Variants in ST3GAL6 observed in about 807,000 individuals in gnomAD.
ST3GAL6 encodes the protein ST3 beta-galactoside alpha-2,3-sialyltransferase 6.
A neutral mutation model predicts 40.5 loss-of-function variants in ST3GAL6; 31 were observed. The ratio of observed to expected loss-of-function variants is 0.77; its 90% confidence interval spans 0.58 to 1.03. ST3GAL6 has a LOEUF of 1.03. Among genes scored for constraint, ST3GAL6 ranks in the 50% least tolerant of loss-of-function variants. The probability of loss-of-function intolerance (pLI) is 0.00; values close to 1 mark genes in which losing one functional copy is unlikely to be tolerated. For missense variants in ST3GAL6, 357 were observed against 393.2 expected (o/e 0.91, Z 0.78); for synonymous variants, 129 against 136.9 (o/e 0.94, Z 0.40).
intron 5 of ST3GAL6, chr3:98,783,757 C>T (rs1940413002): frequency 2.3e-6 from 2 of 879,750 alleles, no homozygotes; most frequent in Non-Finnish European, 2.7e-6. Context: ...TTTTTCTTGA[C>T]TGATTAGGTA....
At chr3:98,771,071 C>T in intron 3 of ST3GAL6, 115 bp downstream of exon 3, 1 of 1,471,862 alleles carries the variant, frequency 6.8e-7, no homozygotes, top group Non-Finnish European at 9.2e-7. Context: ...AAGTGGACAC[C>T]CCATATTTAA....
chr3:98,779,501 G>A (rs755313267), intron 5 of ST3GAL6, among the ~76,000 whole-genome samples: 3 of 152,180 alleles, frequency 2.0e-5, no homozygotes, highest in Non-Finnish European at 4.4e-5. Flanking sequence ...AAGGGAAAAT[G>A]CATGTCAAAA....
chr3:98,783,551 C>A, intron 5 of ST3GAL6: 2 of 981,536 alleles, frequency 2.0e-6, no homozygotes, highest in Non-Finnish European at 2.4e-6. Context: ...TTCATTTTTG[C>A]TCCATCTATA....
chr3:98,775,686 T>C (rs1029008026), intron 5 of ST3GAL6, among the ~76,000 whole-genome samples: 8 of 152,190 alleles, frequency 5.3e-5, no homozygotes, highest in Non-Finnish European at 1.0e-4. Flanking sequence ...TTCATCTGTT[T>C]GTGTATGCCT....
At chr3:98,732,954 C>T (rs1259539296) in intron 1 of ST3GAL6, 2 of 1,507,746 alleles carry the variant, frequency 1.3e-6, no homozygotes, top group East Asian at 2.6e-5. Flanking sequence ...GTCGTCGCTC[C>T]TGGGCCTCGG....
chr3:98,783,912 G>A (rs1292758900), intron 5 of ST3GAL6, among the ~76,000 whole-genome samples: 1 of 152,228 alleles, frequency 6.6e-6, no homozygotes, highest in African/African-American at 2.4e-5. Context: ...ATATAGGAGT[G>A]TGTACATCAT....
At chr3:98,764,128 T>G (rs1938081223) in intron 1 of ST3GAL6, among the ~76,000 whole-genome samples, 1 of 152,166 alleles carries the variant, frequency 6.6e-6, no homozygotes, top group Non-Finnish European at 1.5e-5. Context: ...TGTTGCATAT[T>G]GACTGAGATA....
At chr3:98,765,831 CCT>C (rs1175777994) in intron 1 of ST3GAL6, among the ~76,000 whole-genome samples, 1 of 152,122 alleles carries the variant, frequency 6.6e-6, no homozygotes, top group African/African-American at 2.4e-5. Flanking sequence ...AAGCAGATAA[CCT>C]CTTAAATTCT....
intron 1 of ST3GAL6, among the ~76,000 whole-genome samples, chr3:98,747,302 A>G (rs1483972057): frequency 6.6e-6 from 1 of 152,180 alleles, no homozygotes; most frequent in African/African-American, 2.4e-5. Context: ...TTATAGATTC[A>G]CATAAACTGG....
Position 98,788,205 on chromosome 3 carries a change from T to C in ST3GAL6, c.601T>C (p.Leu201=), listed in dbSNP as rs1472998275. The change falls in exon 7 of 10, where the codon TTG becomes CTG. Residue 201 remains leucine (L), a synonymous_variant. Transcript: ENST00000483910. The part of the protein sequence containing the change: ...PHDLRWLLEL[L]MGDKINTNGF... ...TGATTTAAGGTGGCTGTTGGAATTG[T>C]TGATGGGTGACAAAATAGTAAGTAG... 1 of 1,610,140 alleles carries C rather than the reference T, an allele frequency of 6.2e-7. No individual in the cohort carries two copies. The highest frequency in any genetic ancestry group is 1.7e-5 in the Admixed American group (1 of 59,474).
intron 5 of ST3GAL6, among the ~76,000 whole-genome samples, chr3:98,779,832 A>G (rs1397914384): frequency 1.3e-5 from 2 of 152,218 alleles, no homozygotes; most frequent in Non-Finnish European, 2.9e-5. Flanking sequence ...TTCTCCAAAC[A>G]CAAAGTAGGG....
chr3:98,774,358 A>T (rs991870758), intron 5 of ST3GAL6, among the ~76,000 whole-genome samples: 5 of 152,156 alleles, frequency 3.3e-5, no homozygotes, highest in Non-Finnish European at 7.3e-5. Flanking sequence ...CAAACTACTG[A>T]TGAGATTCTT....
chr3:98,751,759 A>C (rs1319770138), intron 1 of ST3GAL6, among the ~76,000 whole-genome samples: 5 of 152,220 alleles, frequency 3.3e-5, no homozygotes, highest in African/African-American at 1.2e-4. Context: ...GCTGAAAGTC[A>C]TAGTTTCCAA....
upstream of ST3GAL6, among the ~76,000 whole-genome samples, chr3:98,759,261 T>G (rs1937577481): frequency 6.6e-6 from 1 of 152,098 alleles, no homozygotes. Context: ...GAAACAGGAT[T>G]AAGATAACAG....
chr3:98,762,800 G>A, upstream of ST3GAL6: 1 of 985,242 alleles, frequency 1.0e-6, no homozygotes, highest in Non-Finnish European at 1.2e-6. Context: ...TTTGAATTCT[G>A]GCCAGTGCTC....
intron 1 of ST3GAL6, among the ~76,000 whole-genome samples, chr3:98,734,712 A>C (rs1935378239): frequency 1.3e-5 from 2 of 152,186 alleles, no homozygotes; most frequent in African/African-American, 4.8e-5. Flanking sequence ...TTTGAGGCTC[A>C]AGAATAGACA....
intron 5 of ST3GAL6, among the ~76,000 whole-genome samples, chr3:98,774,702 C>G (rs1939346938): frequency 6.6e-6 from 1 of 152,190 alleles, no homozygotes; most frequent in Non-Finnish European, 1.5e-5. Flanking sequence ...AACTTACCCT[C>G]TTGCCCAAGA....
chr3:98,788,509 G>A (rs376302167), intron 8 of ST3GAL6, 46 bp downstream of exon 8: 113 of 1,539,190 alleles, frequency 7.3e-5, no homozygotes, highest in Non-Finnish European at 9.6e-5. Context: ...ATCTGGCTGA[G>A]GTAGGATAGA....
At chr3:98,755,675 G>A (rs1937363864) in intron 1 of ST3GAL6, among the ~76,000 whole-genome samples, 1 of 152,088 alleles carries the variant, frequency 6.6e-6, no homozygotes, top group African/African-American at 2.4e-5. Flanking sequence ...TTCTTTTATA[G>A]CACACAGGCA....
Sources: allele counts gnomAD v4.1 joint callset (sites outside exome capture counted in the v4.1 genomes callset), GRCh38; gene constraint gnomAD v4.1.1; transcripts MANE v1.5; gene names NCBI Gene and HGNC (gene_info 2026-07-23, HGNC 2026-07-21).